Variants in AGO1 observed in about 807,000 individuals in gnomAD.
AGO1 encodes the protein protein argonaute-1.
AGO1 carries 11 observed loss-of-function variants against 109.2 expected under a neutral mutation model. The observed-to-expected ratio is 0.10, with a 90% CI of 0.06 to 0.17. The LOEUF (loss-of-function observed/expected upper bound fraction) is 0.17. AGO1 is among the 10% of genes least tolerant of loss of function. AGO1 has a pLI of 1.00. For missense variants in AGO1, 574 were observed against 1,140.3 expected, an observed-to-expected ratio of 0.50 and a Z score of 7.15; for synonymous variants, 422 against 418.6, an observed-to-expected ratio of 1.01 and a Z score of -0.10.
At position 35,919,210 on chromosome 1, in the gene AGO1, G is replaced by A; in HGVS notation, c.2421G>A (p.Val807=). ...CACCTGCCTACTATGCCCGCCTGGT[G>A]GCTTTCCGGGCACGATACCACCTGG... The part of the protein sequence containing the change: ...IPAPAYYARL[V]AFRARYHLVD... The change falls in exon 18 of 19, where the codon GTG becomes GTA. Residue 807 remains valine, a synonymous_variant. Transcript: ENST00000373204. This position sits in a 1 kb window ranked among gnomAD's most constrained non-coding sequence, Gnocchi z 6.6. The A allele has an allele frequency of 6.2e-7, 1 of 1,614,134 alleles. No individual in the cohort carries two copies. Among genetic ancestry groups the A allele is most frequent in the Non-Finnish European group, 8.5e-7 (1 of 1,180,012 alleles).
At chr1:35,883,059 CG>C (rs2148705768), upstream of AGO1, 1 of 1,018,764 alleles carries the variant, frequency 9.8e-7, no homozygotes, top group East Asian at 8.3e-5. The surrounding 1 kb of genome is among the most constrained non-coding windows in gnomAD (Gnocchi z 5.4). Flanking sequence ...GGCGCCCTCC[CG>C]CCGGGCTGCA....
chr1:35,918,265 G>C, intron 16 of AGO1, 57 bp from the exon 17 acceptor site: 1 of 1,362,968 alleles, frequency 7.3e-7, no homozygotes, highest in Non-Finnish European at 1.1e-6. Flanking sequence ...ATTGAGCCAG[G>C]GTCCTGGTTA....
rs958461276 is a variant in AGO1, at chr1:35,912,316, G to A, written c.1583-1526G>A. Among the ~76,000 whole-genome samples the A allele has an allele frequency of 2.2e-5, 3 of 137,462 alleles. No individual in the cohort carries two copies. In the Admixed American group the frequency reaches 2.4e-4, roughly 11 times the overall value. The allele number at this position is 137,462 out of a possible 152,430, so 90.2% of individuals were successfully genotyped here. On this transcript the variant is annotated intron_variant, in intron 12 of 18. Transcript: ENST00000373204. ...GGAGCTTGCAGTGAGCCGAGATCGT[G>A]CCACTGCACTCCAGCCTGGGAGACA...
upstream of AGO1, among the ~76,000 whole-genome samples, chr1:35,879,216 G>A (rs190373584): frequency 3.1e-3 from 475 of 152,316 alleles, 1 homozygote; most frequent in Middle Eastern, 0.01. Flanking sequence ...TTGGGAGGCC[G>A]AGGCGGGTGG....
At chr1:35,918,779 C>T (rs1645780698) in intron 17 of AGO1, among the ~76,000 whole-genome samples, 1 of 152,190 alleles carries the variant, frequency 6.6e-6, no homozygotes. Flanking sequence ...TGTTCTTGAA[C>T]TCCTGACCTC....
intron 12 of AGO1, 119 bp from the exon 13 acceptor site, chr1:35,913,723 G>A (rs1645683548): frequency 9.9e-7 from 1 of 1,008,748 alleles, no homozygotes; most frequent in East Asian, 2.5e-5. Context: ...TGAGAGTAAG[G>A]ACCTTATGTG....
intron 8 of AGO1, among the ~76,000 whole-genome samples, chr1:35,899,587 G>C (rs1645379287): frequency 6.6e-6 from 1 of 152,158 alleles, no homozygotes; most frequent in East Asian, 1.9e-4. Context: ...ACAACTTTAA[G>C]GCACCTTTAA....
At position 35,926,132 on chromosome 1, in the gene AGO1, G is replaced by A. The variant is rs1025002346; in HGVS notation, c.*6525G>A. ...ACATAAATTTATGACTCCGAGTGAG[G>A]CAGAAATAAAGAACTTAGCAGGGGG... On this transcript the variant is annotated 3_prime_UTR_variant, in exon 19 of 19. Transcript: ENST00000373204. The A allele has an allele frequency of 6.6e-6, 1 of 152,190 alleles. No individual in the cohort carries two copies. The highest frequency in any genetic ancestry group is 2.4e-5 in the African/African-American group (1 of 41,446). The allele number at this position is 152,190 out of a possible 1,614,324, so 9.4% of individuals were successfully genotyped here. A position where few individuals can be genotyped will look rare whatever the true frequency, so the allele number is the denominator to read the frequency against.
At chr1:35,892,259 C>CA (rs1438509954) in intron 2 of AGO1, among the ~76,000 whole-genome samples, 1 of 152,168 alleles carries the variant, frequency 6.6e-6, no homozygotes, top group Admixed American at 6.5e-5. Flanking sequence ...AGAAGGCACT[C>CA]ACACCACTCT....
At chr1:35,875,206 G>C (rs1002701429) in intron 1 of AGO1, among the ~76,000 whole-genome samples, 1 of 152,144 alleles carries the variant, frequency 6.6e-6, no homozygotes, top group African/African-American at 2.4e-5. Context: ...TCAATGCCTG[G>C]CTTCAAAGCT....
upstream of AGO1, among the ~76,000 whole-genome samples, chr1:35,881,930 T>G (rs1645041250): frequency 6.6e-6 from 1 of 152,214 alleles, no homozygotes; most frequent in Non-Finnish European, 1.5e-5. Flanking sequence ...GTGGTTGTGA[T>G]ACGTCTAGCA....
At chr1:35,896,528 GT>G (rs939340910) in intron 8 of AGO1, among the ~76,000 whole-genome samples, 1 of 151,778 alleles carries the variant, frequency 6.6e-6, no homozygotes, top group Non-Finnish European at 1.5e-5. Context: ...GCCCAGATAA[GT>G]TTTTTTTGTA....
chr1:35,882,175 T>A (rs919462983), upstream of AGO1, among the ~76,000 whole-genome samples: 1 of 152,164 alleles, frequency 6.6e-6, no homozygotes, highest in Admixed American at 6.5e-5. The surrounding 1 kb of genome is among the most constrained non-coding windows in gnomAD (Gnocchi z 5.1). Context: ...ACTTCTTAAA[T>A]TTGAAGTGCT....
In AGO1 at chr1:35,893,936, C is replaced by T. The variant is rs1645269378; in HGVS notation, c.650-101C>T. 1 of 1,523,360 alleles carries T rather than the reference C, an allele frequency of 6.6e-7. No individual in the cohort carries two copies. Among genetic ancestry groups the T allele is most frequent in the Non-Finnish European group, 8.8e-7 (1 of 1,130,480 alleles). The allele number at this position is 1,523,360 out of a possible 1,614,324, so 94.4% of individuals were successfully genotyped here. On this transcript the variant is annotated intron_variant, in intron 5 of 18. Coordinates refer to ENST00000373204, the MANE Select transcript of AGO1 (RefSeq NM_012199.5). This position sits in a 1 kb window ranked among gnomAD's most constrained non-coding sequence, Gnocchi z 5.6. ...CCTACAGCCCTGGCACCCCCTTCCC[C>T]CATCCCAATGCCCTTTAAGGAAGAG...
At chr1:35,890,033 CTTT>C (rs959690903) in intron 2 of AGO1, among the ~76,000 whole-genome samples, 1 of 151,112 alleles carries the variant, frequency 6.6e-6, no homozygotes, top group Non-Finnish European at 1.5e-5. Flanking sequence ...CCATTCTCTT[CTTT>C]TTTTGAGACG....
rs545816649 is a variant in AGO1 at position 35,905,959 on chromosome 1, TATA to T, written c.1398-968_1398-966del. On this transcript the variant is annotated intron_variant, in intron 11 of 18. Transcript: ENST00000373204. ...CTATCACATTGCTTTTTGTATGCTA[TATA>T]ATAATAACATCTCCTAAACAGCTGC... Among the ~76,000 whole-genome samples the T allele has an allele frequency of 9.2e-5, 14 of 152,370 alleles. No individual in the cohort carries two copies. In the East Asian group the frequency reaches 1.7e-3, roughly 19 times the overall value.
chr1:35,899,323 T>G (rs1571355002), intron 8 of AGO1, among the ~76,000 whole-genome samples: 3 of 152,360 alleles, frequency 2.0e-5, no homozygotes, highest in South Asian at 4.1e-4. Context: ...TTCCTTTTGG[T>G]TATTGTGAAT....
At position 35,888,430 on chromosome 1, in the gene AGO1, C is replaced by T. The variant is rs146814747; in HGVS notation, c.29C>T (p.Ala10Val). MEAGPSGAA[A>V]GAYLPPLQQV... ...CACCAGCCTCTTTGTCTTGTAGCTG[C>T]GGGCGCTTACCTGCCCCCCCTGCAG... Residue 10 changes from alanine (A) to valine (V), a missense_variant, in exon 2 of 19, where the codon GCG (alanine) becomes GTG (valine). Physicochemically the swap from Ala to Val is moderately conservative, Grantham distance 64. Around this residue, in one of 8 missense-constraint regions of AGO1, gnomAD observed 89 missense variants for 109.6 expected, o/e 0.81. Transcript: ENST00000373204. This position sits in a 1 kb window ranked among gnomAD's most constrained non-coding sequence, Gnocchi z 4.1. 1.5e-5 allele frequency: 25 copies of T among 1,613,710 alleles called. No homozygotes were observed. Among genetic ancestry groups the T allele is most frequent in the South Asian group, 2.2e-5 (2 of 91,062 alleles).
At position 35,929,978 on chromosome 1, in the gene AGO1, T is replaced by C. The variant is rs975699442; in HGVS notation, c.*10371T>C. 1 of 152,190 alleles carries C rather than the reference T, an allele frequency of 6.6e-6. No individual in the cohort carries two copies. The highest frequency in any genetic ancestry group is 6.5e-5 in the Admixed American group (1 of 15,286). The allele number at this position is 152,190 out of a possible 1,614,324, so 9.4% of individuals were successfully genotyped here. A position where few individuals can be genotyped will look rare whatever the true frequency, so the allele number is the denominator to read the frequency against. On this transcript the variant is annotated 3_prime_UTR_variant, in exon 19 of 19. Coordinates refer to ENST00000373204, the MANE Select transcript of AGO1 (RefSeq NM_012199.5). Reference sequence around the variant, plus strand: ...GGAACTGAAGATAGGATATTCTTTCTCCTTTTCCTCTTTAAAAAATTATTT... The same window carrying C: ...GGAACTGAAGATAGGATATTCTTTCCCCTTTTCCTCTTTAAAAAATTATTT...
Sources: gnomAD v4.1 joint callset for allele counts (sites outside exome capture counted in the v4.1 genomes callset) on GRCh38, gnomAD v4.1.1 for gene constraint, gnomAD v4.1.1 regional missense constraint, Gnocchi (gnomAD v3.1) non-coding constraint, MANE v1.5 for transcripts, NCBI Gene and HGNC (gene_info 2026-07-23, HGNC 2026-07-21) for gene names.